Variants in FHIT observed in about 807,000 individuals in gnomAD.
The protein encoded by FHIT is fragile histidine triad diadenosine triphosphatase.
In FHIT, 19 loss-of-function variants were observed where a neutral mutation model predicts 17.9. The ratio of observed to expected loss-of-function variants is 1.06; its 90% CI spans 0.74 to 1.56. FHIT has a LOEUF of 1.56. FHIT is among the 40% of genes most tolerant of loss of function. FHIT has a pLI of 0.00. For missense variants in FHIT, 248 were observed against 189.2 expected, an observed-to-expected ratio of 1.31 and a Z score of -1.82; for synonymous variants, 81 against 69.7, an observed-to-expected ratio of 1.16 and a Z score of -0.81.
intron 4 of FHIT, among the ~76,000 whole-genome samples, chr3:60,720,765 A>T (rs782339223): frequency 1.2e-4 from 19 of 152,148 alleles, no homozygotes; most frequent in Non-Finnish European, 2.4e-4. Context: ...TCCAGAGAAT[A>T]GCATACTGGG....
At chr3:59,815,921 C>A (rs1332781188) in intron 8 of FHIT, among the ~76,000 whole-genome samples, 2 of 152,048 alleles carry the variant, frequency 1.3e-5, no homozygotes, top group Admixed American at 1.3e-4. Flanking sequence ...TAGAGCCAAG[C>A]AGAAATAATA....
intron 5 of FHIT, among the ~76,000 whole-genome samples, chr3:60,498,400 A>T (rs142103948): frequency 2.4e-4 from 37 of 152,312 alleles, no homozygotes; most frequent in Admixed American, 6.5e-4. Context: ...TATTAATTAT[A>T]ATTTTACTAG....
At chr3:60,149,779 C>T (rs950310278) in intron 5 of FHIT, among the ~76,000 whole-genome samples, 2 of 150,000 alleles carry the variant, frequency 1.3e-5, no homozygotes, top group African/African-American at 4.9e-5. Context: ...CCCTATGCCC[C>T]TACCCCCCTA....
At chr3:60,270,319 C>T (rs1706800939) in intron 5 of FHIT, among the ~76,000 whole-genome samples, 1 of 152,196 alleles carries the variant, frequency 6.6e-6, no homozygotes, top group Non-Finnish European at 1.5e-5. Context: ...GTGAGAGACA[C>T]ATTTGTGTCC....
At chr3:61,160,238 T>G (rs2037649016) in intron 2 of FHIT, among the ~76,000 whole-genome samples, 1 of 146,872 alleles carries the variant, frequency 6.8e-6, no homozygotes, top group Admixed American at 6.9e-5. Context: ...AACTCAGATA[T>G]CTGCACTTTT....
At chr3:60,758,387 GCTGA>G (rs1480249236) in intron 4 of FHIT, among the ~76,000 whole-genome samples, 8 of 152,174 alleles carry the variant, frequency 5.3e-5, no homozygotes, top group Admixed American at 3.3e-4. Flanking sequence ...TTCCTGTGGG[GCTGA>G]CTGATACAGG....
At chr3:60,161,597 G>A (rs1700943372) in intron 5 of FHIT, among the ~76,000 whole-genome samples, 1 of 152,082 alleles carries the variant, frequency 6.6e-6, no homozygotes. Flanking sequence ...TGTGCTTAGG[G>A]GATAGGACGC....
chr3:61,089,842 A>G (rs955749848), intron 2 of FHIT, among the ~76,000 whole-genome samples: 4 of 152,202 alleles, frequency 2.6e-5, no homozygotes, highest in South Asian at 2.1e-4. Flanking sequence ...AGTGTTATCC[A>G]AAGACAGAAT....
intron 2 of FHIT, among the ~76,000 whole-genome samples, chr3:61,162,739 A>C: frequency 6.6e-6 from 1 of 152,342 alleles, no homozygotes; most frequent in South Asian, 2.1e-4. Context: ...ATAACAATGC[A>C]AAATAATTCT....
At chr3:60,206,132 CA>C (rs367903030) in intron 5 of FHIT, among the ~76,000 whole-genome samples, 1,883 of 75,464 alleles carry the variant, frequency 0.025, 32 homozygotes, top group African/African-American at 0.09. Flanking sequence ...GACTCCGTCT[CA>C]AAAAAAAAAA....
At chr3:60,873,799 C>T (rs1199599564) in intron 3 of FHIT, among the ~76,000 whole-genome samples, 1 of 152,148 alleles carries the variant, frequency 6.6e-6, no homozygotes, top group Non-Finnish European at 1.5e-5. Flanking sequence ...GTGTGCCTCC[C>T]ATTTCAGAGA....
intron 5 of FHIT, among the ~76,000 whole-genome samples, chr3:60,314,118 T>C (rs2106773403): frequency 6.6e-6 from 1 of 152,294 alleles, no homozygotes; most frequent in South Asian, 2.1e-4. Flanking sequence ...CATAAACATT[T>C]TCCCTTCAAT....
intron 5 of FHIT, among the ~76,000 whole-genome samples, chr3:60,165,415 G>C (rs1576234779): frequency 6.6e-6 from 1 of 152,196 alleles, no homozygotes; most frequent in Non-Finnish European, 1.5e-5. Context: ...GAAACAAAGA[G>C]TACATGGGAG....
chr3:61,023,099 G>A (rs113773597), intron 3 of FHIT, among the ~76,000 whole-genome samples: 11,552 of 152,204 alleles, frequency 0.076, 553 homozygotes, highest in Middle Eastern at 0.11. Flanking sequence ...AAACCCCATC[G>A]TCTCAGCCCA....
chr3:60,692,436 T>C (rs1464640672), intron 4 of FHIT, among the ~76,000 whole-genome samples: 3 of 152,138 alleles, frequency 2.0e-5, no homozygotes, highest in Non-Finnish European at 4.4e-5. Context: ...AGTACCAGGG[T>C]GGGACCAATG....
intron 8 of FHIT, among the ~76,000 whole-genome samples, chr3:59,834,896 TAGC>T (rs1701287702): frequency 6.6e-6 from 1 of 152,206 alleles, no homozygotes; most frequent in Non-Finnish European, 1.5e-5. Flanking sequence ...ATCAAATCAT[TAGC>T]AGTTAAATAG....
intron 3 of FHIT, among the ~76,000 whole-genome samples, chr3:60,862,618 G>A (rs1306365774): frequency 2.0e-5 from 3 of 152,160 alleles, no homozygotes; most frequent in African/African-American, 7.2e-5. Flanking sequence ...GGGAGGCTGA[G>A]GCAGGTGGGT....
chr3:59,845,458 T>G (rs966361661), intron 8 of FHIT, among the ~76,000 whole-genome samples: 6 of 152,152 alleles, frequency 3.9e-5, no homozygotes, highest in Non-Finnish European at 8.8e-5. Context: ...TTCCATATGT[T>G]TGGATATGTT....
chr3:60,772,593 T>G (rs1553723424), intron 4 of FHIT, among the ~76,000 whole-genome samples: 1 of 152,124 alleles, frequency 6.6e-6, no homozygotes. Flanking sequence ...CTTTACAGTT[T>G]AAATGATAAT....
Sources: gnomAD v4.1 joint callset for allele counts (sites outside exome capture counted in the v4.1 genomes callset) on GRCh38, gnomAD v4.1.1 for gene constraint, MANE v1.5 for transcripts, NCBI Gene and HGNC (gene_info 2026-07-23, HGNC 2026-07-21) for gene names.